The following ATXN2 variants were observed in gnomAD, a reference collection of about 807,000 sequenced individuals.
The protein encoded by ATXN2 is ataxin-2.
ATXN2 carries 37 observed loss-of-function variants against 138.6 expected under a neutral mutation model. The ratio of observed to expected loss-of-function variants is 0.27; its 90% CI spans 0.21 to 0.35. The LOEUF is 0.35. ATXN2 is among the 10% of genes least tolerant of loss of function. The pLI is 1.00. For synonymous variants in ATXN2, 549 were observed against 543.7 expected (o/e 1.01, Z -0.13); for missense variants, 1,216 against 1,480.3 (o/e 0.82, Z 2.93).
At chr12:111,512,177 C>T (rs909799770) in intron 11 of ATXN2, 3 of 152,176 alleles carry the variant, frequency 2.0e-5, no homozygotes, top group African/African-American at 7.2e-5. Context: ...TCTTGAACTC[C>T]TGACCTCAAG....
chr12:111,469,752 T>C, intron 20 of ATXN2: 1 of 299,398 alleles, frequency 3.3e-6, no homozygotes, highest in Non-Finnish European at 6.1e-6. Flanking sequence ...GAGAACACCT[T>C]TATGCTTTTA....
rs138742290 is a variant in ATXN2 at position 111,514,225 on chromosome 12, A to G, written c.1376-686T>C. 5.3e-3 allele frequency among the ~76,000 whole-genome samples: 811 copies of G among 152,338 alleles called. 3 individuals are homozygous for G. The highest frequency in any genetic ancestry group is 7.3e-3 in the Non-Finnish European group (497 of 68,030). ...AAGGGATGACTTGTATTAGTCTATTAATAGATGACCAAAATAACTGACATT... is the reference window on the plus strand; with the variant it reads ...AAGGGATGACTTGTATTAGTCTATTGATAGATGACCAAAATAACTGACATT... On this transcript the variant is annotated intron_variant, in intron 10 of 24. Transcript: ENST00000673436.
chr12:111,492,509 C>T (rs941510426), intron 14 of ATXN2, among the ~76,000 whole-genome samples: 2 of 152,106 alleles, frequency 1.3e-5, no homozygotes, highest in Non-Finnish European at 2.9e-5. Context: ...TGGTGAAACA[C>T]CATATTTACT....
chr12:111,488,619 C>A lies in ATXN2; in HGVS notation c.2097G>T (p.Pro699=). Residue 699 remains proline, a synonymous_variant, in exon 15 of 25, where the codon CCG becomes CCT. Coordinates refer to ENST00000673436, the MANE Select transcript of ATXN2 (RefSeq NM_001372574.1). ...SSNCTSGSSK[P]NSPSISPSIL... ...TTGAAGGGGAAATGCTGGGGCTATTCGGCTTGCTGCTGCCACTGGTACAGT... is the reference window on the plus strand; with the variant it reads ...TTGAAGGGGAAATGCTGGGGCTATTAGGCTTGCTGCTGCCACTGGTACAGT... The A allele has an allele frequency of 6.2e-7, 1 of 1,614,108 alleles. No homozygotes were observed. Among genetic ancestry groups the A allele is most frequent in the Non-Finnish European group, 8.5e-7 (1 of 1,180,024 alleles).
intron 1 of ATXN2, among the ~76,000 whole-genome samples, chr12:111,568,460 A>G (rs953164913): frequency 5.3e-5 from 8 of 152,166 alleles, no homozygotes; most frequent in East Asian, 1.9e-4. Context: ...AGACCTGGGT[A>G]ACAGATTTTT....
intron 1 of ATXN2, among the ~76,000 whole-genome samples, chr12:111,561,917 T>A (rs937871680): frequency 1.3e-5 from 2 of 151,550 alleles, no homozygotes; most frequent in Non-Finnish European, 2.9e-5. Flanking sequence ...GTTCAAGCAA[T>A]TCTCCTGCCT....
At chr12:111,560,688 AC>A (rs1882633477) in intron 1 of ATXN2, among the ~76,000 whole-genome samples, 1 of 148,786 alleles carries the variant, frequency 6.7e-6, no homozygotes, top group Non-Finnish European at 1.5e-5. Flanking sequence ...AACAACCACC[AC>A]CCCCAACCAT....
intron 5 of ATXN2, among the ~76,000 whole-genome samples, chr12:111,536,852 C>T (rs1174017722): frequency 7.1e-6 from 1 of 141,116 alleles, no homozygotes; most frequent in African/African-American, 2.7e-5. Flanking sequence ...GGCGTGATCT[C>T]GGCTCACTGT....
chr12:111,516,110 TAAAC>T lies in ATXN2; in HGVS notation c.1375+40_1375+43del, dbSNP rs747127669. 1.6e-5 allele frequency: 24 copies of T among 1,540,936 alleles called. No homozygotes were observed. The highest frequency in any genetic ancestry group is 5.8e-5 in the Admixed American group (3 of 51,920). Reference sequence around the variant, plus strand: ...TGTAATTATAAACTCACATAGGAGTTAAACAAAGACAAACAAAAACATGAACAAA... The same window carrying T: ...TGTAATTATAAACTCACATAGGAGTTAAAGACAAACAAAAACATGAACAAA... On this transcript the variant is annotated intron_variant, in intron 10 of 24. Transcript: ENST00000673436. This position sits in a 1 kb window ranked among gnomAD's most constrained non-coding sequence, Gnocchi z 5.0.
Position 111,453,224 on chromosome 12 carries a change from A to G in ATXN2, c.3440-384T>C, listed in dbSNP as rs1874800621. On this transcript the variant is annotated intron_variant, in intron 24 of 24. Transcript: ENST00000673436. The surrounding 1 kb of genome is among the most constrained non-coding windows in gnomAD (Gnocchi z 5.4). ...AATCACAGGGCGCTCTCCCCTGTTC[A>G]GGGGCTGGGGCTAACGCTACACTCA... The G allele has an allele frequency of 9.3e-7, 1 of 1,079,898 alleles. No individual in the cohort carries two copies. The highest frequency in any genetic ancestry group is 1.1e-6 in the Non-Finnish European group (1 of 890,644). The allele number at this position is 1,079,898 out of a possible 1,614,324, so 66.9% of individuals were successfully genotyped here.
intron 1 of ATXN2, among the ~76,000 whole-genome samples, chr12:111,592,085 A>G (rs1884695685): frequency 1.3e-5 from 2 of 150,920 alleles, no homozygotes; most frequent in African/African-American, 4.9e-5. Context: ...CTCAAAAAAA[A>G]AAAAAACACC....
chr12:111,546,489 C>T (rs894263448), intron 5 of ATXN2, among the ~76,000 whole-genome samples: 2 of 152,108 alleles, frequency 1.3e-5, no homozygotes, highest in African/African-American at 2.4e-5. Context: ...AGCAGATTTG[C>T]TGACCCCTAT....
rs182112624 is a variant in ATXN2, at chr12:111,503,230, T to C, written c.1935+6319A>G. On this transcript the variant is annotated intron_variant, in intron 14 of 24. Coordinates refer to ENST00000673436, the MANE Select transcript of ATXN2 (RefSeq NM_001372574.1). ...GCTATGAGCATGTCATGAAGTTAGC[T>C]CTAATGAATCACTGACTGACAGTGC... 1.6e-4 allele frequency among the ~76,000 whole-genome samples: 25 copies of C among 152,372 alleles called. No individual in the cohort carries two copies. In the East Asian group the frequency reaches 4.0e-3, roughly 25 times the overall value.
chr12:111,598,720 G>A lies in ATXN2; in HGVS notation c.251+64C>T. On this transcript the variant is annotated intron_variant, in intron 1 of 24. Transcript: ENST00000673436. This position sits in a 1 kb window ranked among gnomAD's most constrained non-coding sequence, Gnocchi z 4.5. Reference sequence around the variant, plus strand: ...GGCGGGTCACGGGGCGGGGACGGCGGCGCGGGCCGCGGGGGAGGGGACGCC... The same window carrying A: ...GGCGGGTCACGGGGCGGGGACGGCGACGCGGGCCGCGGGGGAGGGGACGCC... The A allele has an allele frequency of 2.0e-6, 2 of 989,414 alleles. No homozygotes were observed. The highest frequency in any genetic ancestry group is 5.2e-5 in the Admixed American group (1 of 19,342). The allele number at this position is 989,414 out of a possible 1,614,324, so 61.3% of individuals were successfully genotyped here.
chr12:111,536,719 G>T (rs999881250), intron 5 of ATXN2, among the ~76,000 whole-genome samples: 1 of 149,660 alleles, frequency 6.7e-6, no homozygotes, highest in Non-Finnish European at 1.5e-5. Context: ...GTGTATGTAT[G>T]TATGAGTATG....
Position 111,516,312 on chromosome 12 carries a change from C to T in ATXN2, c.1217G>A (p.Arg406His), listed in dbSNP as rs1027602974. The change falls in exon 10 of 25, where the codon CGC becomes CAC. Residue 406 changes from arginine to histidine, a missense_variant. Arg to His is a conservative substitution (Grantham distance 29). Transcript: ENST00000673436. This position sits in a 1 kb window ranked among gnomAD's most constrained non-coding sequence, Gnocchi z 5.0. ...AAGAGAGTTGGGACCTGACTGGTAG[C>T]GAGAAGGTGGGCGAGAGGAAGGAGA... The part of the protein sequence containing the change: ...CPSPSSRPPS[R>H]YQSGPNSLPP... The T allele has an allele frequency of 2.5e-6, 4 of 1,582,414 alleles. No homozygotes were observed. Among genetic ancestry groups the T allele is most frequent in the Non-Finnish European group, 3.4e-6 (4 of 1,168,968 alleles).
chr12:111,459,120 G>A (rs1407051563), intron 21 of ATXN2, among the ~76,000 whole-genome samples: 2 of 152,152 alleles, frequency 1.3e-5, no homozygotes, highest in Non-Finnish European at 2.9e-5. Context: ...ATTAACATAT[G>A]CCAGAATATT....
intron 5 of ATXN2, among the ~76,000 whole-genome samples, chr12:111,551,391 G>A (rs1882111725): frequency 1.3e-5 from 2 of 151,918 alleles, no homozygotes; most frequent in Admixed American, 6.6e-5. Flanking sequence ...CCTTGCAAAT[G>A]AGTAACAGGA....
rs940543592 is a variant in ATXN2, at chr12:111,599,151, T to C, written c.-117A>G. ...CGGGCGCCGAGCGGGGAGGCGCGGG[T>C]TGGCGCGGCCGGAGGGGCGCCCGGG... is the stretch of plus-strand genomic sequence containing the variant. On this transcript the variant is annotated 5_prime_UTR_variant, in exon 1 of 25. Transcript: ENST00000673436. 5.8e-6 allele frequency: 7 copies of C among 1,208,520 alleles called. No homozygotes were observed. The highest frequency in any genetic ancestry group is 7.2e-6 in the Non-Finnish European group (7 of 975,418). The allele number at this position is 1,208,520 out of a possible 1,614,324, so 74.9% of individuals were successfully genotyped here.
Sources: allele counts gnomAD v4.1 joint callset (sites outside exome capture counted in the v4.1 genomes callset), GRCh38; gene constraint gnomAD v4.1.1; non-coding constraint Gnocchi (gnomAD v3.1); transcripts MANE v1.5; gene names NCBI Gene and HGNC (gene_info 2026-07-23, HGNC 2026-07-21).